Variants in KCNH1 observed in about 807,000 individuals in gnomAD.
KCNH1 encodes potassium voltage-gated channel subfamily H member 1, also known as voltage-gated delayed rectifier potassium channel KCNH1.
Under a neutral mutation model 69.2 loss-of-function variants are expected in KCNH1, and 27 were observed. The observed-to-expected ratio is 0.39, with a 90% CI of 0.29 to 0.54. The LOEUF is 0.54. KCNH1 is among the 20% of genes least tolerant of loss of function. The pLI, the probability that KCNH1 is intolerant of heterozygous loss-of-function variation, is 0.68. For missense variants in KCNH1, 798 were observed against 1,261.6 expected (o/e 0.63, Z 5.57); for synonymous variants, 456 against 487.7 (o/e 0.93, Z 0.86).
At chr1:210,687,881 A>G (rs375872733) in intron 10 of KCNH1, among the ~76,000 whole-genome samples, 48 of 152,304 alleles carry the variant, frequency 3.2e-4, no homozygotes, top group African/African-American at 1.1e-3. Context: ...CCCCATGGCA[A>G]GAGTGTATCC....
At chr1:211,085,639 AAAG>A (rs999975679) in intron 4 of KCNH1, among the ~76,000 whole-genome samples, 25 of 152,316 alleles carry the variant, frequency 1.6e-4, no homozygotes, top group Middle Eastern at 6.8e-3. Flanking sequence ...CTACACAGGA[AAAG>A]AAGAAGCAAC....
chr1:210,929,281 A>T lies in KCNH1; in HGVS notation c.1033-9212T>A, dbSNP rs192611664. 4.6e-5 allele frequency among the ~76,000 whole-genome samples: 7 copies of T among 152,316 alleles called. No homozygotes were observed. In the East Asian group the frequency reaches 1.3e-3, roughly 29 times the overall value. On this transcript the variant is annotated intron_variant, in intron 6 of 10. Transcript: ENST00000271751. ...AACATAGATTAAAAAATCCTTAACAAAATACTAGCAAACTGAATCCAACAG... is the reference window on the plus strand; with the variant it reads ...AACATAGATTAAAAAATCCTTAACATAATACTAGCAAACTGAATCCAACAG...
intron 1 of KCNH1, among the ~76,000 whole-genome samples, chr1:211,126,959 A>T (rs1691788303): frequency 6.6e-6 from 1 of 152,112 alleles, no homozygotes; most frequent in East Asian, 1.9e-4. Context: ...CACAAAAAAA[A>T]ATAGCTATAA....
intron 5 of KCNH1, among the ~76,000 whole-genome samples, chr1:211,055,205 T>C (rs1690283038): frequency 6.6e-6 from 1 of 152,168 alleles, no homozygotes; most frequent in African/African-American, 2.4e-5. Context: ...ACCCCTCCCC[T>C]ATCCCCAGCA....
intron 5 of KCNH1, among the ~76,000 whole-genome samples, chr1:211,072,133 G>A (rs567531131): frequency 3.9e-5 from 6 of 152,166 alleles, no homozygotes; most frequent in South Asian, 2.1e-4. Flanking sequence ...AAAATTAGCC[G>A]TGCATGGTGG....
intron 6 of KCNH1, among the ~76,000 whole-genome samples, chr1:210,968,078 T>A (rs1482159929): frequency 1.3e-5 from 2 of 151,364 alleles, no homozygotes; most frequent in African/African-American, 4.9e-5. Context: ...CCATGTGATC[T>A]CACTGTTCAG....
intron 7 of KCNH1, among the ~76,000 whole-genome samples, chr1:210,912,097 T>C (rs758829153): frequency 1.8e-4 from 28 of 152,212 alleles, no homozygotes; most frequent in Non-Finnish European, 3.5e-4. Context: ...ATTTCATGTC[T>C]CTGAACTCAG....
At chr1:210,696,383 C>T (rs1681639640) in intron 10 of KCNH1, among the ~76,000 whole-genome samples, 1 of 152,114 alleles carries the variant, frequency 6.6e-6, no homozygotes. Context: ...CTCAGCATCC[C>T]TTTTTGCTCT....
chr1:211,002,668 A>G (rs531784134), intron 6 of KCNH1, among the ~76,000 whole-genome samples: 2 of 152,184 alleles, frequency 1.3e-5, no homozygotes, highest in Non-Finnish European at 2.9e-5. Flanking sequence ...GAATAACACA[A>G]TAACCAAAAT....
At chr1:211,018,333 A>G (rs1689529140) in intron 6 of KCNH1, among the ~76,000 whole-genome samples, 1 of 152,240 alleles carries the variant, frequency 6.6e-6, no homozygotes, top group Admixed American at 6.5e-5. Flanking sequence ...AAAAAGTAAA[A>G]GCAAACTTTC....
chr1:211,097,451 T>G (rs1405656376), intron 3 of KCNH1, among the ~76,000 whole-genome samples: 1 of 152,122 alleles, frequency 6.6e-6, no homozygotes, highest in African/African-American at 2.4e-5. Flanking sequence ...AAAAAAAGTT[T>G]AAAAAGTTAA....
intron 7 of KCNH1, among the ~76,000 whole-genome samples, chr1:210,846,672 A>G (rs1018475702): frequency 6.6e-6 from 1 of 152,238 alleles, no homozygotes; most frequent in African/African-American, 2.4e-5. Flanking sequence ...AGGCACGGGC[A>G]AGGACTTCAT....
chr1:210,943,603 C>T (rs1012907545), intron 6 of KCNH1, among the ~76,000 whole-genome samples: 3 of 152,156 alleles, frequency 2.0e-5, no homozygotes, highest in Admixed American at 6.5e-5. Context: ...CTGACCACCT[C>T]GGCCTCCCAA....
intron 7 of KCNH1, among the ~76,000 whole-genome samples, chr1:210,892,339 T>C (rs1051745461): frequency 1.3e-5 from 2 of 152,130 alleles, no homozygotes; most frequent in Non-Finnish European, 2.9e-5. Flanking sequence ...AGGTTTAGTC[T>C]TTCCCCCTTT....
chr1:210,701,127 C>T (rs12757466), intron 10 of KCNH1, among the ~76,000 whole-genome samples: 9,785 of 151,928 alleles, frequency 0.064, 441 homozygotes, highest in Middle Eastern at 0.1. Context: ...TTAGTAGAGA[C>T]GGGGTTTCAC....
chr1:210,815,409 A>G (rs1419274656), intron 7 of KCNH1, among the ~76,000 whole-genome samples: 2 of 152,206 alleles, frequency 1.3e-5, no homozygotes, highest in East Asian at 3.8e-4. Context: ...CCAGGTGAGA[A>G]TGAGAGAACC....
chr1:210,684,659 G>A (rs746373608), intron 10 of KCNH1, among the ~76,000 whole-genome samples: 6 of 152,216 alleles, frequency 3.9e-5, no homozygotes, highest in Non-Finnish European at 8.8e-5. Context: ...TACAGCTAAG[G>A]TTTCCAATGC....
intron 7 of KCNH1, among the ~76,000 whole-genome samples, chr1:210,825,209 A>G (rs754787112): frequency 1.3e-5 from 2 of 152,340 alleles, no homozygotes; most frequent in South Asian, 2.1e-4. Flanking sequence ...ATGGTGTTCT[A>G]TGAAGACAAC....
At chr1:210,922,211 C>A (rs34951187) in intron 6 of KCNH1, among the ~76,000 whole-genome samples, 2 of 151,540 alleles carry the variant, frequency 1.3e-5, no homozygotes, top group African/African-American at 4.8e-5. Flanking sequence ...GAAACCCTGT[C>A]TCCACTAAAA....
Sources: gnomAD v4.1 joint callset for allele counts (sites outside exome capture counted in the v4.1 genomes callset) on GRCh38, gnomAD v4.1.1 for gene constraint, MANE v1.5 for transcripts, NCBI Gene and HGNC (gene_info 2026-07-23, HGNC 2026-07-21) for gene names.